Variants in DNAH5 observed in about 807,000 individuals in gnomAD.
DNAH5 encodes axonemal beta dynein heavy chain 5.
In DNAH5, 372 loss-of-function variants were observed where a neutral mutation model predicts 518.2. The observed-to-expected ratio is 0.72, with a 90% CI of 0.66 to 0.78. The LOEUF is 0.78. Among genes scored for constraint, DNAH5 ranks in the 30% least tolerant of loss-of-function variants. The pLI, the probability that DNAH5 is intolerant of heterozygous loss-of-function variation, is 0.00. For synonymous variants in DNAH5, 2,039 were observed against 2,025.9 expected (o/e 1.01, Z -0.17); for missense variants, 5,523 against 5,687.0 (o/e 0.97, Z 0.93).
chr5:13,731,237 C>T (rs973826332), intron 68 of DNAH5, among the ~76,000 whole-genome samples: 4 of 152,072 alleles, frequency 2.6e-5, no homozygotes, highest in East Asian at 1.9e-4. Context: ...AATATTAGCT[C>T]GTAAAATGAA....
At position 13,866,209 on chromosome 5, in the gene DNAH5, A is replaced by G; in HGVS notation, c.4116+11T>C. On this transcript the variant is annotated intron_variant, in intron 26 of 78. Coordinates refer to ENST00000265104, the MANE Select transcript of DNAH5 (RefSeq NM_001369.3). Reference sequence around the variant, plus strand: ...CATTGTTTAGAAAGTCATAGAAACTAAAAAGATTACCTGAAACATGATAAG... The same window carrying G: ...CATTGTTTAGAAAGTCATAGAAACTGAAAAGATTACCTGAAACATGATAAG... 6.2e-7 allele frequency: 1 copy of G among 1,612,328 alleles called. No homozygotes were observed. Among genetic ancestry groups the G allele is most frequent in the African/African-American group, 1.3e-5 (1 of 75,026 alleles).
In DNAH5 at chr5:13,979,401, C is replaced by G. The variant is rs192736909; in HGVS notation, c.12+32247G>C. On this transcript the variant is annotated intron_variant, in intron 1 of 78. Transcript: ENST00000681290. ...TTAATGTTATTGTCATCACCCTCAA[C>G]TGGAATGTAAGCTTCCCCAGCACAT... Among the ~76,000 whole-genome samples the G allele has an allele frequency of 2.0e-4, 30 of 152,280 alleles. 1 individual carries two copies. The East Asian group carries it at 5.0e-3, about 25-fold the overall frequency.
At chr5:13,746,760 C>G (rs1043490019) in intron 65 of DNAH5, among the ~76,000 whole-genome samples, 2 of 151,998 alleles carry the variant, frequency 1.3e-5, no homozygotes, top group African/African-American at 4.8e-5. Context: ...AGCAAACAGG[C>G]TTGATCCATT....
rs2151910740 is a variant in DNAH5 at position 13,865,715 on chromosome 5, C to T, written c.4308G>A (p.Glu1436=). 3.7e-6 allele frequency: 6 copies of T among 1,604,878 alleles called. No homozygotes were observed. The highest frequency in any genetic ancestry group is 4.3e-6 in the Non-Finnish European group (5 of 1,171,690). ...VNSYYDILWS[E]VNIEKINNEL... ...CATTGTTAATTTTTTCAATATTCAC[C>T]TCTGACCAAAGAATATCATAATAGC... is the stretch of plus-strand genomic sequence containing the variant. Residue 1436 remains glutamate, a synonymous_variant, in exon 27 of 79, where the codon GAG becomes GAA. Coordinates refer to ENST00000265104, the MANE Select transcript of DNAH5 (RefSeq NM_001369.3).
chr5:13,793,382 A>C (rs1355110024), intron 49 of DNAH5, 133 bp downstream of exon 49: 2 of 746,554 alleles, frequency 2.7e-6, no homozygotes, highest in Non-Finnish European at 4.8e-6. Flanking sequence ...ACACTGCTTG[A>C]GAGTGATGGA....
At chr5:13,777,606 T>A (rs974943867) in intron 53 of DNAH5, among the ~76,000 whole-genome samples, 3 of 152,238 alleles carry the variant, frequency 2.0e-5, no homozygotes, top group African/African-American at 7.2e-5. Flanking sequence ...ATAGAATTTT[T>A]ATCACAACCA....
intron 43 of DNAH5, 83 bp downstream of exon 43, chr5:13,814,522 C>A (rs772626417): frequency 1.5e-4 from 210 of 1,418,442 alleles, no homozygotes; most frequent in Non-Finnish European, 1.8e-4. Context: ...CTGCCATCTG[C>A]AGAAAAATTG....
chr5:13,816,908 G>A (rs1359263356), intron 42 of DNAH5, among the ~76,000 whole-genome samples: 1 of 152,138 alleles, frequency 6.6e-6, no homozygotes, highest in Non-Finnish European at 1.5e-5. Flanking sequence ...TCACTCAGGA[G>A]TGAGGAAATC....
chr5:13,959,492 A>G (rs142523789), intron 1 of DNAH5, among the ~76,000 whole-genome samples: 2 of 152,326 alleles, frequency 1.3e-5, no homozygotes, highest in Non-Finnish European at 2.9e-5. Flanking sequence ...TCACATCTTC[A>G]TGCCATGAGT....
At chr5:13,866,483 C>G (rs1424341594) in intron 25 of DNAH5, among the ~76,000 whole-genome samples, 1 of 152,184 alleles carries the variant, frequency 6.6e-6, no homozygotes, top group Admixed American at 6.5e-5. Context: ...AATGCCAGAA[C>G]TTCCCTTAGT....
chr5:13,762,595 C>T, intron 60 of DNAH5, 127 bp downstream of exon 60: 1 of 804,182 alleles, frequency 1.2e-6, no homozygotes, highest in South Asian at 1.5e-5. Context: ...TCTATGCTCA[C>T]TCTCCCCATG....
rs747463097 is a variant in DNAH5, at chr5:13,811,755, T to C, written c.7299A>G (p.Pro2433=). The part of the protein sequence containing the change: ...ILRQLYTESF[P]DLYRFCIQNL... ...TCTGGATACAGAAGCGATACAAGTC[T>C]GGGAAAGACTCGGTGTACAGCTGAC... The change falls in exon 44 of 79, where the codon CCA becomes CCG. Residue 2433 remains proline, a synonymous_variant. Coordinates refer to ENST00000265104, the MANE Select transcript of DNAH5 (RefSeq NM_001369.3). 20 of 1,614,058 alleles carry C rather than the reference T, an allele frequency of 1.2e-5. No individual in the cohort carries two copies. In the Admixed American group the frequency reaches 3.3e-4, roughly 27 times the overall value.
At chr5:13,850,316 A>G (rs1243615486) in intron 31 of DNAH5, among the ~76,000 whole-genome samples, 4 of 152,218 alleles carry the variant, frequency 2.6e-5, no homozygotes, top group African/African-American at 9.6e-5. Context: ...TATAATGAGT[A>G]TAATAAAATA....
At chr5:13,905,122 A>G (rs1775127111) in intron 12 of DNAH5, among the ~76,000 whole-genome samples, 1 of 152,238 alleles carries the variant, frequency 6.6e-6, no homozygotes, top group South Asian at 2.1e-4. Context: ...AGATATGCCA[A>G]TTTCGAGTCT....
chr5:13,867,892 C>G lies in DNAH5; in HGVS notation c.3935G>C (p.Arg1312Pro). The change falls in exon 25 of 79, where the codon CGT becomes CCT. Residue 1312 changes from arginine (R) to proline (P), a missense_variant. Coordinates refer to ENST00000265104, the MANE Select transcript of DNAH5 (RefSeq NM_001369.3). ...TAATTTATTCTGGACTTCGCCAGCA[C>G]GTGCCAGCAGCTTCTCCCAAGCATA... ...LHYAWEKLLA[R>P]AGEVQNKLVS... 2 of 1,614,092 alleles carry G rather than the reference C, an allele frequency of 1.2e-6. No homozygotes were observed. The highest frequency in any genetic ancestry group is 1.1e-5 in the South Asian group (1 of 91,086).
chr5:13,944,870 A>C (rs566904724), upstream of DNAH5, among the ~76,000 whole-genome samples: 25 of 152,358 alleles, frequency 1.6e-4, no homozygotes, highest in African/African-American at 5.8e-4. Context: ...TCTTTGAACA[A>C]TGAGAAACTT....
At chr5:13,889,852 T>C (rs1385539442) in intron 17 of DNAH5, among the ~76,000 whole-genome samples, 1 of 152,128 alleles carries the variant, frequency 6.6e-6, no homozygotes, top group African/African-American at 2.4e-5. Context: ...ATCTCTTAAC[T>C]ATGTCAGGGC....
Position 13,916,453 on chromosome 5 carries a change from T to C in DNAH5, c.1092A>G (p.Leu364=), listed in dbSNP as rs759149687. The C allele has an allele frequency of 1.7e-5, 26 of 1,522,900 alleles. No individual in the cohort carries two copies. In the Middle Eastern group the frequency reaches 7.2e-4, roughly 42 times the overall value. The allele number at this position is 1,522,900 out of a possible 1,614,324, so 94.3% of individuals were successfully genotyped here. A position where few individuals can be genotyped will look rare whatever the true frequency, so the allele number is the denominator to read the frequency against. ...GTGTAGGAATAGCATCCATCATGGA[T>C]AGCTGAAAGATATCACCAAAGTTTT... ...CCDPLYSSDP[L]SMMDAIPTLI... The change falls in exon 9 of 79, where the codon CTA becomes CTG. Residue 364 remains leucine (L), a splice_region_variant and synonymous_variant. Transcript: ENST00000265104.
rs369530102 is a variant in DNAH5 at position 13,954,492 on chromosome 5, T to C, written c.13-23248A>G. Among the ~76,000 whole-genome samples the C allele has an allele frequency of 2.4e-4, 36 of 152,310 alleles. No individual in the cohort carries two copies. The South Asian group carries it at 7.5e-3, about 32-fold the overall frequency. ...AATCACTTTAGTGAAGGAGGAGCAA[T>C]TGCATGTCTAAAAATTAGAAGGAAA... On this transcript the variant is annotated intron_variant, in intron 1 of 78. Coordinates refer to the DNAH5 transcript ENST00000681290.
Sources: gnomAD v4.1 joint callset for allele counts (sites outside exome capture counted in the v4.1 genomes callset) on GRCh38, gnomAD v4.1.1 for gene constraint, MANE v1.5 for transcripts, NCBI Gene and HGNC (gene_info 2026-07-23, HGNC 2026-07-21) for gene names.